SETX: variants seen among roughly 807,000 people sequenced by gnomAD.
SETX encodes the protein helicase senataxin.
SETX carries 90 observed loss-of-function variants against 227.2 expected under a neutral mutation model. That is an observed-to-expected ratio of 0.40 (90% CI 0.33 to 0.47). SETX has a LOEUF of 0.47. Ranked by LOEUF, SETX falls within the 20% of genes least tolerant of loss-of-function variation. SETX has a pLI of 0.91. For synonymous variants in SETX, 1,210 were observed against 1,113.2 expected, an observed-to-expected ratio of 1.09 and a Z score of -1.73; for missense variants, 3,052 against 3,181.5, an observed-to-expected ratio of 0.96 and a Z score of 0.98.
intron 4 of SETX, among the ~76,000 whole-genome samples, chr9:132,343,877 C>T (rs778406518): frequency 2.6e-5 from 4 of 152,022 alleles, no homozygotes; most frequent in Non-Finnish European, 2.9e-5. Flanking sequence ...ACAAACAGTA[C>T]AGGAAATAAA....
upstream of SETX, among the ~76,000 whole-genome samples, chr9:132,355,738 G>A (rs1848876439): frequency 6.6e-6 from 1 of 152,010 alleles, no homozygotes; most frequent in Non-Finnish European, 1.5e-5. Context: ...TGTAATCCCA[G>A]CACTTTGGGA....
At chr9:132,283,026 T>C in intron 19 of SETX, 1 of 538,742 alleles carries the variant, frequency 1.9e-6, no homozygotes, top group East Asian at 3.4e-5. Context: ...TCAGCAGAGA[T>C]TTTGTTAGAA....
At chr9:132,351,779 A>G (rs1848617565) in intron 2 of SETX, among the ~76,000 whole-genome samples, 1 of 152,196 alleles carries the variant, frequency 6.6e-6, no homozygotes, top group South Asian at 2.1e-4. Flanking sequence ...TATACAACTC[A>G]GTTCTTCTTG....
intron 10 of SETX, among the ~76,000 whole-genome samples, chr9:132,315,932 G>T (rs1365541520): frequency 6.6e-6 from 1 of 152,194 alleles, no homozygotes; most frequent in Non-Finnish European, 1.5e-5. Context: ...GTGTGTGAGA[G>T]ATTTAGACAA....
chr9:132,332,996 A>G (rs1847340047), intron 7 of SETX, among the ~76,000 whole-genome samples: 1 of 151,964 alleles, frequency 6.6e-6, no homozygotes, highest in Admixed American at 6.6e-5. Flanking sequence ...AGAATTATAC[A>G]TGTAGTTAGG....
intron 11 of SETX, among the ~76,000 whole-genome samples, chr9:132,303,542 C>T (rs1005672956): frequency 1.3e-4 from 20 of 151,534 alleles, no homozygotes; most frequent in African/African-American, 3.6e-4. Flanking sequence ...AAAACTTTTG[C>T]TCTTCAAAAG....
At position 132,342,814 on chromosome 9, in the gene SETX, A is replaced by T; in HGVS notation, c.389-15T>A. The T allele has an allele frequency of 6.5e-7, 1 of 1,544,114 alleles. No homozygotes were observed. The highest frequency in any genetic ancestry group is 8.9e-7 in the Non-Finnish European group (1 of 1,117,712). On this transcript the variant is annotated splice_polypyrimidine_tract_variant and intron_variant, in intron 4 of 25. Coordinates refer to ENST00000224140, the MANE Select transcript of SETX (RefSeq NM_015046.7). ...ACATAACTCGTCTAAAAAGAAAAAAATAAGTAAAATACATAAATCTTATCA... is the reference window on the plus strand; with the variant it reads ...ACATAACTCGTCTAAAAAGAAAAAATTAAGTAAAATACATAAATCTTATCA...
chr9:132,286,636 G>A, intron 17 of SETX, 142 bp from the exon 18 acceptor site: 4 of 682,952 alleles, frequency 5.9e-6, no homozygotes, highest in Admixed American at 2.3e-5. Flanking sequence ...CTTTACCACT[G>A]GAGTCCTGAC....
chr9:132,288,725 T>C (rs943410390), intron 15 of SETX, 74 bp from the exon 16 acceptor site: 38 of 949,528 alleles, frequency 4.0e-5, no homozygotes, highest in African/African-American at 4.9e-5. Context: ...ATAGTATCTA[T>C]ATTTCTAAGT....
At chr9:132,280,765 T>A (rs547163534) in intron 20 of SETX, among the ~76,000 whole-genome samples, 1 of 152,254 alleles carries the variant, frequency 6.6e-6, no homozygotes, top group Admixed American at 6.5e-5. Context: ...CAAAACCTCT[T>A]CAGATTACTT....
chr9:132,331,246 A>T, intron 8 of SETX, 31 bp downstream of exon 8: 1 of 1,613,166 alleles, frequency 6.2e-7, no homozygotes, highest in Non-Finnish European at 8.5e-7. Context: ...TATAGAGATG[A>T]TGTTTAAATC....
intron 18 of SETX, among the ~76,000 whole-genome samples, chr9:132,284,873 TTTTTTTTGTTG>T (rs1843749969): frequency 6.6e-6 from 1 of 151,272 alleles, no homozygotes; most frequent in Admixed American, 6.6e-5. Flanking sequence ...CACAAAGCTA[TTTTTTTTGTTG>T]TTTTTTTTTT....
rs537151030 is a variant in SETX, at chr9:132,350,143, C to T, written c.-7-708G>A. Among the ~76,000 whole-genome samples the T allele has an allele frequency of 1.2e-3, 190 of 152,162 alleles. 1 individual carries two copies. The highest frequency in any genetic ancestry group is 4.1e-3 in the African/African-American group (171 of 41,518). ...CGACGTGGGCAGACTGCTTGAGGTC[C>T]GCAGTTCGAGACCAGCCTGGCCAAC... On this transcript the variant is annotated intron_variant, in intron 2 of 25. Coordinates refer to ENST00000224140, the MANE Select transcript of SETX (RefSeq NM_015046.7).
At chr9:132,349,879 T>A (rs752549614) in intron 2 of SETX, among the ~76,000 whole-genome samples, 3 of 152,080 alleles carry the variant, frequency 2.0e-5, no homozygotes, top group Admixed American at 1.3e-4. Context: ...CTCAAAGAGA[T>A]CTAAAACTAG....
Position 132,327,733 on chromosome 9 carries a change from G to T in SETX, c.3865C>A (p.Leu1289Met). The T allele has an allele frequency of 6.2e-7, 1 of 1,614,068 alleles. No homozygotes were observed. Among genetic ancestry groups the T allele is most frequent in the South Asian group, 1.1e-5 (1 of 91,082 alleles). Residue 1289 changes from leucine (L) to methionine (M), a missense_variant, in exon 10 of 26, where the codon CTG (leucine) becomes ATG (methionine). Transcript: ENST00000224140. ...EPTSTAEKLG[L>M]KKGPRKAYEL... ...TATGCCTTACGAGGACCCTTTTTCA[G>T]GCCAAGTTTCTCAGCTGTTGAAGTT...
intron 7 of SETX, 121 bp from the exon 8 acceptor site, chr9:132,331,569 A>C: frequency 4.6e-6 from 5 of 1,087,676 alleles, no homozygotes; most frequent in Non-Finnish European, 5.4e-6. Context: ...GCCAAGGAGC[A>C]AATAATTTAA....
At chr9:132,286,570 T>G in intron 17 of SETX, 76 bp from the exon 18 acceptor site, 1 of 981,292 alleles carries the variant, frequency 1.0e-6, no homozygotes, top group African/African-American at 1.6e-5. Flanking sequence ...CTACCTCTAA[T>G]TTTAAAAGAG....
chr9:132,354,546 G>A (rs1450620595), intron 1 of SETX, among the ~76,000 whole-genome samples: 2 of 151,584 alleles, frequency 1.3e-5, no homozygotes, highest in African/African-American at 2.4e-5. Flanking sequence ...AGGGACTCCA[G>A]GCGAGAGGCA....
intron 2 of SETX, 140 bp downstream of exon 2, chr9:132,353,509 G>C (rs539378759): frequency 1.3e-5 from 2 of 152,136 alleles, no homozygotes; most frequent in African/African-American, 2.4e-5. Flanking sequence ...CACGTCTGGG[G>C]GGGGGGCCTG....
Sources: gnomAD v4.1 joint callset for allele counts (sites outside exome capture counted in the v4.1 genomes callset) on GRCh38, gnomAD v4.1.1 for gene constraint, MANE v1.5 for transcripts, NCBI Gene and HGNC (gene_info 2026-07-23, HGNC 2026-07-21) for gene names.